Variants in DZIP3 observed in about 807,000 individuals in gnomAD.
DZIP3 encodes the protein E3 ubiquitin-protein ligase DZIP3.
Under a neutral mutation model 162.0 loss-of-function variants are expected in DZIP3, and 118 were observed. The ratio of observed to expected loss-of-function variants is 0.73; its 90% confidence interval spans 0.63 to 0.85. The LOEUF (loss-of-function observed/expected upper bound fraction) is 0.85, where lower values mean the gene tolerates loss of function less well. DZIP3 is among the 40% of genes least tolerant of loss of function. The probability of loss-of-function intolerance (pLI) is 0.00; values close to 1 mark genes in which losing one functional copy is unlikely to be tolerated. For missense variants in DZIP3, 1,331 were observed against 1,407.0 expected, an observed-to-expected ratio of 0.95 and a Z score of 0.86; for synonymous variants, 438 against 458.6, an observed-to-expected ratio of 0.96 and a Z score of 0.57.
chr3:108,676,350 G>A (rs781428461), intron 25 of DZIP3, among the ~76,000 whole-genome samples: 14 of 151,942 alleles, frequency 9.2e-5, no homozygotes, highest in South Asian at 2.1e-4. Flanking sequence ...GTTTTAATGC[G>A]GTCTGAGTAA....
chr3:108,687,843 A>G, intron 28 of DZIP3, 133 bp from the exon 29 acceptor site: 1 of 1,152,886 alleles, frequency 8.7e-7, no homozygotes, highest in East Asian at 2.5e-5. Context: ...TTTTAGATCA[A>G]AGACCTAAAG....
At chr3:108,590,474 A>G (rs893810146) in intron 1 of DZIP3, among the ~76,000 whole-genome samples, 1 of 152,226 alleles carries the variant, frequency 6.6e-6, no homozygotes, top group African/African-American at 2.4e-5. Flanking sequence ...AAATGATTTA[A>G]CCAGTTGGGA....
rs1455496247 is a variant in DZIP3, at chr3:108,624,440, G to A, written c.376-4G>A. The stretch of plus-strand genomic sequence containing the variant: ...AACCAATTAACATATTTTTTTCTTT[G>A]TAGGCACACCAGATTAATATTGGTT... On this transcript the variant is annotated splice_region_variant and splice_polypyrimidine_tract_variant and intron_variant, in intron 5 of 32. Coordinates refer to ENST00000361582, the MANE Select transcript of DZIP3 (RefSeq NM_014648.4). 2 of 1,557,952 alleles carry A rather than the reference G, an allele frequency of 1.3e-6. No individual in the cohort carries two copies. The highest frequency in any genetic ancestry group is 1.8e-6 in the Non-Finnish European group (2 of 1,136,536).
At chr3:108,669,614 G>C in intron 21 of DZIP3, 67 bp from the exon 22 acceptor site, 2 of 1,431,108 alleles carry the variant, frequency 1.4e-6, no homozygotes, top group Non-Finnish European at 1.9e-6. Context: ...TGTAGTTAGA[G>C]CTCTTCTGAC....
intron 19 of DZIP3, among the ~76,000 whole-genome samples, chr3:108,658,358 A>G (rs548741434): frequency 0.012 from 1,790 of 152,312 alleles, 50 homozygotes; most frequent in African/African-American, 0.04. Context: ...GCTCAACTAC[A>G]TGGAAACTGA....
At chr3:108,605,512 G>T in intron 2 of DZIP3, 74 bp downstream of exon 2, 1 of 1,493,550 alleles carries the variant, frequency 6.7e-7, no homozygotes, top group Non-Finnish European at 9.3e-7. Flanking sequence ...ACGGATGGTG[G>T]GGGTGCGGGG....
intron 5 of DZIP3, among the ~76,000 whole-genome samples, chr3:108,621,112 C>T (rs185938914): frequency 2.0e-3 from 299 of 152,290 alleles, no homozygotes; most frequent in African/African-American, 6.1e-3. Context: ...TGAGCCACTG[C>T]ACCCAGCCAG....
At chr3:108,661,702 A>G (rs1225127570) in intron 19 of DZIP3, among the ~76,000 whole-genome samples, 175 bp from the exon 20 acceptor site, 2 of 152,188 alleles carry the variant, frequency 1.3e-5, no homozygotes, top group Non-Finnish European at 2.9e-5. Flanking sequence ...ACAGGCAAGT[A>G]ACTGGTACTG....
At chr3:108,633,797 ATC>A (rs1223470214) in intron 9 of DZIP3, among the ~76,000 whole-genome samples, 15 of 78,506 alleles carry the variant, frequency 1.9e-4, no homozygotes, top group African/African-American at 7.8e-4. Flanking sequence ...CTTCTGATAG[ATC>A]TCTCTCTCTC....
chr3:108,687,302 A>G (rs984268657), intron 28 of DZIP3, among the ~76,000 whole-genome samples: 5 of 152,160 alleles, frequency 3.3e-5, no homozygotes, highest in African/African-American at 1.2e-4. Context: ...TAAAAACATT[A>G]TAAATCAAAG....
chr3:108,633,504 C>G (rs906886686), intron 9 of DZIP3, among the ~76,000 whole-genome samples: 1 of 151,820 alleles, frequency 6.6e-6, no homozygotes, highest in Non-Finnish European at 1.5e-5. Flanking sequence ...TTCTATGGGC[C>G]TTGGCAGGGG....
At chr3:108,686,776 TAA>T (rs2049524983) in intron 28 of DZIP3, among the ~76,000 whole-genome samples, 192 bp downstream of exon 28, 1 of 152,180 alleles carries the variant, frequency 6.6e-6, no homozygotes, top group African/African-American at 2.4e-5. Flanking sequence ...ACCTCTTCAT[TAA>T]AAAGTTACTT....
intron 19 of DZIP3, among the ~76,000 whole-genome samples, chr3:108,655,004 A>G (rs1332951062): frequency 1.3e-5 from 2 of 152,186 alleles, no homozygotes; most frequent in Non-Finnish European, 2.9e-5. Context: ...TACAACATTC[A>G]TATAATTGTC....
intron 19 of DZIP3, among the ~76,000 whole-genome samples, chr3:108,657,805 C>T (rs1355204742): frequency 6.6e-6 from 1 of 151,978 alleles, no homozygotes; most frequent in Non-Finnish European, 1.5e-5. Context: ...ATCTACCAAG[C>T]AAATGGAAAA....
intron 15 of DZIP3, 127 bp from the exon 16 acceptor site, chr3:108,647,816 T>C: frequency 1.4e-6 from 1 of 719,812 alleles, no homozygotes; most frequent in Non-Finnish European, 2.2e-6. Context: ...ATCGAGTAAT[T>C]GAAAAGAGTA....
chr3:108,609,429 T>C (rs980079733), intron 3 of DZIP3, among the ~76,000 whole-genome samples: 1 of 152,124 alleles, frequency 6.6e-6, no homozygotes, highest in Non-Finnish European at 1.5e-5. Flanking sequence ...AGATGCAGAA[T>C]CAGGAATACA....
At chr3:108,672,402 G>T (rs763566543) in intron 22 of DZIP3, among the ~76,000 whole-genome samples, 158 bp from the exon 23 acceptor site, 2 of 151,872 alleles carry the variant, frequency 1.3e-5, no homozygotes, top group Non-Finnish European at 2.9e-5. Flanking sequence ...TAACAGTAGG[G>T]ATTGAACAAT....
intron 7 of DZIP3, among the ~76,000 whole-genome samples, chr3:108,627,919 G>A (rs1354215609): frequency 9.2e-5 from 14 of 151,840 alleles, no homozygotes; most frequent in South Asian, 2.1e-4. Context: ...TCGCTCTGTC[G>A]CCAGGCTAGA....
chr3:108,615,507 AATTG>A (rs1940956336), intron 4 of DZIP3, among the ~76,000 whole-genome samples: 1 of 152,228 alleles, frequency 6.6e-6, no homozygotes, highest in African/African-American at 2.4e-5. Flanking sequence ...AGGCTCATTA[AATTG>A]ATTGCTAGGG....
Sources: allele counts gnomAD v4.1 joint callset (sites outside exome capture counted in the v4.1 genomes callset), GRCh38; gene constraint gnomAD v4.1.1; transcripts MANE v1.5; gene names NCBI Gene and HGNC (gene_info 2026-07-23, HGNC 2026-07-21).